Variants in IZUMO2 observed in about 807,000 individuals in gnomAD.
IZUMO2 encodes the protein izumo sperm-egg fusion protein 2.
A neutral mutation model predicts 31.2 loss-of-function variants in IZUMO2; 24 were observed. The ratio of observed to expected loss-of-function variants is 0.77; its 90% CI spans 0.56 to 1.08. The LOEUF is 1.08. Ranked by LOEUF, IZUMO2 falls within the 50% of genes least tolerant of loss-of-function variation. IZUMO2 has a pLI of 0.00. For synonymous variants in IZUMO2, 144 were observed against 117.3 expected (o/e 1.23, Z -1.47); for missense variants, 278 against 274.0 (o/e 1.01, Z -0.10).
intron 5 of IZUMO2, among the ~76,000 whole-genome samples, chr19:50,154,965 G>A (rs936583358): frequency 2.6e-5 from 4 of 152,140 alleles, no homozygotes; most frequent in African/African-American, 7.2e-5. Flanking sequence ...GAACCAAACT[G>A]GCAAACTGGA....
intron 2 of IZUMO2, chr19:50,160,567 C>T (rs2030364653): frequency 6.6e-6 from 1 of 150,940 alleles, no homozygotes; most frequent in Non-Finnish European, 1.5e-5. Context: ...ACTGCAACCT[C>T]TGCCTCCTAG....
chr19:50,158,613 G>C (rs573300542), intron 4 of IZUMO2, among the ~76,000 whole-genome samples: 23 of 152,198 alleles, frequency 1.5e-4, no homozygotes, highest in Non-Finnish European at 2.9e-4. Flanking sequence ...TTAATTCTGA[G>C]TTTGCACTTT....
chr19:50,162,648 T>C (rs1437099523), intron 2 of IZUMO2, 91 bp downstream of exon 2: 9 of 1,048,120 alleles, frequency 8.6e-6, no homozygotes, highest in Non-Finnish European at 1.3e-5. Context: ...ATTGCATGCG[T>C]GTTTGCTCTT....
intron 6 of IZUMO2, 122 bp downstream of exon 6, chr19:50,154,476 CAG>C (rs1412625370): frequency 6.9e-6 from 6 of 865,874 alleles, no homozygotes; most frequent in Admixed American, 2.5e-5. Context: ...AAAAGAGAGA[CAG>C]AGACTAAAGT....
intron 2 of IZUMO2, among the ~76,000 whole-genome samples, chr19:50,162,350 G>A (rs1046447295): frequency 1.1e-4 from 16 of 150,746 alleles, no homozygotes; most frequent in African/African-American, 3.7e-4. Context: ...GCTCACACCT[G>A]TAATCCCAGC....
In IZUMO2 at chr19:50,159,236, G is replaced by T. The variant is rs760024271; in HGVS notation, c.409C>A (p.Leu137Ile). The change falls in exon 4 of 7, where the codon CTT becomes ATT. Residue 137 changes from leucine (L) to isoleucine (I), a missense_variant. By Grantham distance (5) the Leu-to-Ile change is conservative (BLOSUM62 2). Transcript: ENST00000293405. ...TAGACGATCCAGAACTCACGGCAAA[G>T]TTTGGGGTTGCAGGCTGCAAGAGAA... ...SYELKACNPKLCRLLKEEVLD... is the reference protein window; with the variant it reads ...SYELKACNPKICRLLKEEVLD... The T allele has an allele frequency of 6.2e-7, 1 of 1,611,274 alleles. No individual in the cohort carries two copies.
chr19:50,161,738 G>T (rs925181187), intron 2 of IZUMO2, among the ~76,000 whole-genome samples: 3 of 151,954 alleles, frequency 2.0e-5, no homozygotes, highest in Non-Finnish European at 4.4e-5. Flanking sequence ...CATCTTTTTT[G>T]GATGCCCTAC....
chr19:50,156,524 G>A (rs1251869927), intron 5 of IZUMO2, among the ~76,000 whole-genome samples: 2 of 151,892 alleles, frequency 1.3e-5, no homozygotes, highest in Admixed American at 6.6e-5. Flanking sequence ...CCAGCCAAAG[G>A]AAGCAAACAG....
At chr19:50,158,194 A>C (rs563902214) in intron 5 of IZUMO2, 74 bp downstream of exon 5, 1 of 938,820 alleles carries the variant, frequency 1.1e-6, no homozygotes, top group Non-Finnish European at 1.7e-6. Context: ...CTCGAAACCC[A>C]TATCTAGTGG....
intron 4 of IZUMO2, among the ~76,000 whole-genome samples, chr19:50,158,836 T>C (rs775640056): frequency 7.9e-5 from 12 of 152,198 alleles, no homozygotes; most frequent in Non-Finnish European, 1.6e-4. Flanking sequence ...TCAGTGTGAT[T>C]GCTATTGCTT....
chr19:50,163,120 G>A lies in IZUMO2; in HGVS notation c.75C>T (p.Asp25=), dbSNP rs369705240. ...GACCCAGGGCCTCCAGCACCAAGGG[G>A]TCGCACTGCAGGCAGCCCCAGCCTC... ...APGGWGCLQC[D]PLVLEALGHL... Residue 25 remains aspartate (D), a synonymous_variant, in exon 1 of 7, where the codon GAC becomes GAT. Coordinates refer to ENST00000293405, the MANE Select transcript of IZUMO2 (RefSeq NM_152358.3). The A allele has an allele frequency of 9.4e-5, 151 of 1,605,228 alleles. No homozygotes were observed. Among genetic ancestry groups the A allele is most frequent in the Non-Finnish European group, 1.2e-4 (144 of 1,176,538 alleles).
At position 50,163,127 on chromosome 19, in the gene IZUMO2, T is replaced by C. The variant is rs773566164; in HGVS notation, c.68A>G (p.Gln23Arg). Residue 23 changes from glutamine to arginine, a missense_variant, in exon 1 of 7, where the codon CAG becomes CGG. Physicochemically the swap from Gln to Arg is conservative, Grantham distance 43. Coordinates refer to ENST00000293405, the MANE Select transcript of IZUMO2 (RefSeq NM_152358.3). ...GGCCTCCAGCACCAAGGGGTCGCAC[T>C]GCAGGCAGCCCCAGCCTCCGGGGGC... The part of the protein sequence containing the change: ...LGAPGGWGCL[Q>R]CDPLVLEALG... The C allele has an allele frequency of 5.6e-6, 9 of 1,600,184 alleles. No individual in the cohort carries two copies. The African/African-American group carries it at 6.7e-5, about 12-fold the overall frequency.
At chr19:50,161,918 A>C (rs535740900) in intron 2 of IZUMO2, among the ~76,000 whole-genome samples, 11 of 152,198 alleles carry the variant, frequency 7.2e-5, no homozygotes, top group East Asian at 3.9e-4. Context: ...GCTCCCCCCC[A>C]AAAAAATTTG....
At chr19:50,162,677 G>A in intron 2 of IZUMO2, 62 bp downstream of exon 2, 2 of 1,338,364 alleles carry the variant, frequency 1.5e-6, no homozygotes, top group Non-Finnish European at 2.2e-6. Context: ...ATTCAAGGGA[G>A]GTGGGGCAGA....
At chr19:50,155,459 G>T (rs978204043) in intron 5 of IZUMO2, among the ~76,000 whole-genome samples, 3 of 152,176 alleles carry the variant, frequency 2.0e-5, no homozygotes, top group African/African-American at 7.2e-5. Flanking sequence ...TGCAAAATGC[G>T]AACAGTTTCA....
At chr19:50,157,600 G>A (rs190527647) in intron 5 of IZUMO2, among the ~76,000 whole-genome samples, 5 of 149,578 alleles carry the variant, frequency 3.3e-5, no homozygotes, top group South Asian at 4.3e-4. Context: ...CTGCATGTTC[G>A]GTCTCGTTGT....
intron 2 of IZUMO2, chr19:50,160,834 A>G (rs1456176766): frequency 6.6e-6 from 1 of 152,040 alleles, no homozygotes; most frequent in East Asian, 1.9e-4. Context: ...CTGACATTCT[A>G]TTTCTATTGG....
intron 2 of IZUMO2, among the ~76,000 whole-genome samples, chr19:50,162,386 T>C (rs1484443195): frequency 6.6e-6 from 1 of 152,084 alleles, no homozygotes; most frequent in East Asian, 1.9e-4. Context: ...GACACAAGGA[T>C]TTATTGAGGC....
Position 50,162,521 on chromosome 19 carries a change from G to A in IZUMO2, c.307+218C>T, listed in dbSNP as rs982321902. On this transcript the variant is annotated intron_variant, in intron 2 of 6. Coordinates refer to ENST00000293405, the MANE Select transcript of IZUMO2 (RefSeq NM_152358.3). ...TCCCAGCTACTTGGGAGGCTGAGGC[G>A]GCAGGATCGCTGGAGCCCTGGAGGT... Among the ~76,000 whole-genome samples the A allele has an allele frequency of 9.2e-5, 14 of 152,182 alleles. No homozygotes were observed. The South Asian group carries it at 2.5e-3, about 27-fold the overall frequency.
Sources: allele counts gnomAD v4.1 joint callset (sites outside exome capture counted in the v4.1 genomes callset), GRCh38; gene constraint gnomAD v4.1.1; transcripts MANE v1.5; gene names NCBI Gene and HGNC (gene_info 2026-07-23, HGNC 2026-07-21).